RICTOR: variants seen among roughly 807,000 people sequenced by gnomAD.
The protein encoded by RICTOR is rapamycin-insensitive companion of mTOR.
In RICTOR, 49 loss-of-function variants were observed where a neutral mutation model predicts 214.9. The observed-to-expected ratio is 0.23, with a 90% CI of 0.18 to 0.29. RICTOR has a LOEUF of 0.29. RICTOR is among the 10% of genes least tolerant of loss of function. The pLI is 1.00. For synonymous variants in RICTOR, 717 were observed against 711.3 expected (o/e 1.01, Z -0.13); for missense variants, 1,625 against 2,047.0 (o/e 0.79, Z 3.98).
At chr5:38,978,753 T>G (rs1435134629) in intron 8 of RICTOR, 103 bp from the exon 9 acceptor site, 1 of 549,418 alleles carries the variant, frequency 1.8e-6, no homozygotes, top group Non-Finnish European at 3.1e-6. Flanking sequence ...TTTAATGGGT[T>G]TACTGCTTGG....
chr5:38,989,131 AC>A (rs1752395274), intron 7 of RICTOR, among the ~76,000 whole-genome samples: 1 of 152,212 alleles, frequency 6.6e-6, no homozygotes, highest in Non-Finnish European at 1.5e-5. Context: ...GGCTACAGTA[AC>A]CAAAATAGCA....
chr5:39,033,447 A>G (rs980932849), intron 2 of RICTOR, among the ~76,000 whole-genome samples: 1 of 152,044 alleles, frequency 6.6e-6, no homozygotes, highest in Admixed American at 6.6e-5. Flanking sequence ...TATTTTTAGT[A>G]AAGACAGGGT....
chr5:39,037,895 G>T (rs1004362127), intron 2 of RICTOR, among the ~76,000 whole-genome samples: 1 of 152,174 alleles, frequency 6.6e-6, no homozygotes, highest in Non-Finnish European at 1.5e-5. Context: ...GAAGTACAAG[G>T]AGGAGCTAGT....
rs1240787723 is a variant in RICTOR, at chr5:38,938,826, A to C, written c.*3478T>G. The C allele has an allele frequency of 4.3e-6, 1 of 232,972 alleles. No homozygotes were observed. The highest frequency in any genetic ancestry group is 8.5e-6 in the Non-Finnish European group (1 of 117,694). The allele number at this position is 232,972 out of a possible 1,614,324, so 14.4% of individuals were successfully genotyped here. A position where few individuals can be genotyped will look rare whatever the true frequency, so the allele number is the denominator to read the frequency against. ...CAGTGTATTTTGTTAATGCAGAGAC[A>C]ATGGAGACTTCCTAACTTACATTTT... is the stretch of plus-strand genomic sequence containing the variant. On this transcript the variant is annotated 3_prime_UTR_variant, in exon 38 of 38. Transcript: ENST00000357387.
intron 3 of RICTOR, among the ~76,000 whole-genome samples, chr5:39,017,786 G>T (rs540097617): frequency 2.4e-4 from 37 of 152,214 alleles, no homozygotes; most frequent in African/African-American, 7.9e-4. Flanking sequence ...CCAAGTCACA[G>T]TTCAATTACT....
chr5:38,981,039 T>A (rs1437066918), intron 8 of RICTOR: 1 of 152,226 alleles, frequency 6.6e-6, no homozygotes, highest in Non-Finnish European at 1.5e-5. Context: ...ATTAGGACTA[T>A]TATACTAACA....
chr5:39,042,113 T>A (rs1757217284), intron 2 of RICTOR, among the ~76,000 whole-genome samples: 1 of 152,086 alleles, frequency 6.6e-6, no homozygotes, highest in African/African-American at 2.4e-5. Context: ...AATCTGCATT[T>A]ATAGGAAGTA....
At chr5:39,070,331 C>A (rs1386474364) in intron 2 of RICTOR, among the ~76,000 whole-genome samples, 1 of 151,844 alleles carries the variant, frequency 6.6e-6, no homozygotes. Context: ...TAGCCGGGCG[C>A]GGTGGCGGGC....
intron 3 of RICTOR, among the ~76,000 whole-genome samples, chr5:39,016,582 A>G (rs573456525): frequency 6.6e-6 from 1 of 152,278 alleles, no homozygotes; most frequent in African/African-American, 2.4e-5. Flanking sequence ...AAGAAAGAAA[A>G]AAAGGGAAAC....
intron 7 of RICTOR, among the ~76,000 whole-genome samples, chr5:38,988,295 T>C (rs976423995): frequency 1.3e-5 from 2 of 152,168 alleles, no homozygotes; most frequent in Non-Finnish European, 2.9e-5. Context: ...AGTGGAGTGT[T>C]AAAGTCTCCC....
intron 2 of RICTOR, among the ~76,000 whole-genome samples, chr5:39,029,039 GC>G (rs1175481813): frequency 6.6e-6 from 1 of 152,118 alleles, no homozygotes; most frequent in East Asian, 1.9e-4. Context: ...GCAAATATAA[GC>G]AGAAGTAATC....
At chr5:39,073,896 G>A (rs188133190) in intron 2 of RICTOR, among the ~76,000 whole-genome samples, 1 of 152,030 alleles carries the variant, frequency 6.6e-6, no homozygotes. Flanking sequence ...GCCCGGAGAA[G>A]GGCTCGGGCG....
At chr5:38,969,975 A>C (rs1275209418) in intron 11 of RICTOR, 1 of 152,050 alleles carries the variant, frequency 6.6e-6, no homozygotes, top group Non-Finnish European at 1.5e-5. Context: ...CAGTATTTTT[A>C]ATCTTTTATA....
At chr5:39,057,878 CAT>C (rs1758302439) in intron 2 of RICTOR, among the ~76,000 whole-genome samples, 1 of 152,092 alleles carries the variant, frequency 6.6e-6, no homozygotes, top group South Asian at 2.1e-4. Context: ...AATTAATACT[CAT>C]AGTTAATTAT....
chr5:39,048,081 C>T (rs1341713183), intron 2 of RICTOR, among the ~76,000 whole-genome samples: 3 of 152,128 alleles, frequency 2.0e-5, no homozygotes, highest in Non-Finnish European at 4.4e-5. Context: ...AAAAGAAGGG[C>T]TTCTGGCCCT....
chr5:38,984,258 T>C (rs921788444), intron 7 of RICTOR, among the ~76,000 whole-genome samples: 16 of 152,294 alleles, frequency 1.1e-4, no homozygotes, highest in African/African-American at 3.8e-4. Flanking sequence ...TATTAATCTT[T>C]TGTATTTCAA....
At chr5:38,945,448 A>C in intron 34 of RICTOR, 43 bp downstream of exon 34, 1 of 1,299,806 alleles carries the variant, frequency 7.7e-7, no homozygotes, top group South Asian at 1.3e-5. Flanking sequence ...AGAGAACTTT[A>C]GTCATCACTA....
intron 2 of RICTOR, among the ~76,000 whole-genome samples, chr5:39,042,165 T>C (rs971749640): frequency 6.6e-6 from 1 of 152,102 alleles, no homozygotes; most frequent in African/African-American, 2.4e-5. Context: ...AAACATGCTA[T>C]AAAGGCTGCC....
chr5:38,983,059 C>T (rs1751854916), intron 7 of RICTOR, among the ~76,000 whole-genome samples: 1 of 152,084 alleles, frequency 6.6e-6, no homozygotes, highest in African/African-American at 2.4e-5. Context: ...ACTCAACACA[C>T]AGAACTCTCA....
Sources: gnomAD v4.1 joint callset for allele counts (sites outside exome capture counted in the v4.1 genomes callset) on GRCh38, gnomAD v4.1.1 for gene constraint, MANE v1.5 for transcripts, NCBI Gene and HGNC (gene_info 2026-07-23, HGNC 2026-07-21) for gene names.